Variants in NBAS observed in about 807,000 individuals in gnomAD.
NBAS encodes NAG/BC035112 fusion.
In NBAS, 219 loss-of-function variants were observed where a neutral mutation model predicts 302.5. The observed-to-expected ratio is 0.72, with a 90% CI of 0.65 to 0.81. NBAS has a LOEUF of 0.81. Ranked by LOEUF, NBAS falls within the 30% of genes least tolerant of loss-of-function variation. The pLI, the probability that NBAS is intolerant of heterozygous loss-of-function variation, is 0.00. For missense variants in NBAS, 2,932 were observed against 2,841.6 expected, an observed-to-expected ratio of 1.03 and a Z score of -0.72; for synonymous variants, 1,118 against 1,021.6, an observed-to-expected ratio of 1.09 and a Z score of -1.80.
chr2:15,115,523 A>G, the NBAS span, among the ~76,000 whole-genome samples: 4 of 152,114 alleles, frequency 2.6e-5, no homozygotes, highest in Non-Finnish European at 5.9e-5. Flanking sequence ...TTTTTTAGAG[A>G]CTGAGTCTCA....
the NBAS span, among the ~76,000 whole-genome samples, chr2:14,952,592 G>A: frequency 6.6e-6 from 1 of 152,158 alleles, no homozygotes; most frequent in Non-Finnish European, 1.5e-5. Flanking sequence ...ACGTTCATTC[G>A]GCCAGCCTGT....
At chr2:15,156,327 G>T in the NBAS span, among the ~76,000 whole-genome samples, 1 of 152,186 alleles carries the variant, frequency 6.6e-6, no homozygotes, top group African/African-American at 2.4e-5. Context: ...TAGGTTGTCA[G>T]GCACAGGAGT....
intron 44 of NBAS, among the ~76,000 whole-genome samples, chr2:15,274,026 G>A (rs1669454021): frequency 6.6e-6 from 1 of 151,896 alleles, no homozygotes; most frequent in Non-Finnish European, 1.5e-5. Flanking sequence ...CTTGCAGTGA[G>A]CCAAGATCAT....
intron 3 of NBAS, among the ~76,000 whole-genome samples, chr2:15,556,397 C>T (rs1037667815): frequency 6.6e-6 from 1 of 151,988 alleles, no homozygotes; most frequent in African/African-American, 2.4e-5. Flanking sequence ...AGAACTGAAA[C>T]CTAAAGAACC....
At chr2:14,931,718 A>T in the NBAS span, among the ~76,000 whole-genome samples, 12 of 152,210 alleles carry the variant, frequency 7.9e-5, no homozygotes, top group Non-Finnish European at 1.8e-4. Flanking sequence ...GTTTGGCCAC[A>T]CATTCTGTTG....
At chr2:15,224,604 C>T (rs531450229) in intron 47 of NBAS, among the ~76,000 whole-genome samples, 21 of 152,088 alleles carry the variant, frequency 1.4e-4, no homozygotes, top group Non-Finnish European at 2.2e-4. Context: ...GATGTTCCAC[C>T]GCATGTTTAA....
At chr2:15,530,732 A>G (rs1280914209) in intron 9 of NBAS, among the ~76,000 whole-genome samples, 1 of 86,460 alleles carries the variant, frequency 1.2e-5, no homozygotes, top group African/African-American at 4.2e-5. Flanking sequence ...CAGAGAATTA[A>G]AAGAAAAAAA....
At chr2:15,145,405 G>A in the NBAS span, among the ~76,000 whole-genome samples, 1 of 65,166 alleles carries the variant, frequency 1.5e-5, no homozygotes, top group African/African-American at 9.9e-5. Context: ...GTTTGTATGT[G>A]TGTGTGTGTG....
chr2:14,881,331 A>T, the NBAS span, among the ~76,000 whole-genome samples: 2 of 152,300 alleles, frequency 1.3e-5, no homozygotes, highest in South Asian at 4.1e-4. Flanking sequence ...CATAAAATCA[A>T]TGGAAACAAC....
At chr2:15,215,839 G>A (rs533300765) in intron 48 of NBAS, among the ~76,000 whole-genome samples, 3 of 152,256 alleles carry the variant, frequency 2.0e-5, no homozygotes, top group South Asian at 2.1e-4. Flanking sequence ...AGGGAGGATG[G>A]TCACACACAC....
At chr2:14,886,323 A>T in the NBAS span, among the ~76,000 whole-genome samples, 1 of 152,172 alleles carries the variant, frequency 6.6e-6, no homozygotes, top group Non-Finnish European at 1.5e-5. Flanking sequence ...GCTGTCCTAC[A>T]TGCTTTTCTT....
At chr2:14,854,521 AG>A in the NBAS span, among the ~76,000 whole-genome samples, 1 of 151,682 alleles carries the variant, frequency 6.6e-6, no homozygotes, top group Non-Finnish European at 1.5e-5. Flanking sequence ...TTGCTGAAAA[AG>A]GTGCTGAAGA....
the NBAS span, among the ~76,000 whole-genome samples, chr2:15,027,690 G>C: frequency 3.0e-4 from 45 of 152,176 alleles, no homozygotes; most frequent in African/African-American, 8.7e-4. Context: ...GGAATAGTAG[G>C]CTTCCTCTGC....
At chr2:15,243,444 TG>T (rs1477283416) in intron 44 of NBAS, among the ~76,000 whole-genome samples, 3 of 152,206 alleles carry the variant, frequency 2.0e-5, no homozygotes, top group African/African-American at 7.2e-5. Context: ...CAGGCCCCTT[TG>T]CAGTCTTTTA....
At chr2:15,356,477 T>C in intron 32 of NBAS, 61 bp from the exon 33 acceptor site, 1 of 1,072,524 alleles carries the variant, frequency 9.3e-7, no homozygotes, top group East Asian at 2.4e-5. Flanking sequence ...ATAGAAGAGC[T>C]TGTTAACACT....
intron 35 of NBAS, among the ~76,000 whole-genome samples, chr2:15,343,810 C>A (rs9808288): frequency 6.6e-6 from 1 of 151,744 alleles, no homozygotes; most frequent in Non-Finnish European, 1.5e-5. Flanking sequence ...GCACAGATTT[C>A]TTAGATATAA....
At chr2:15,120,337 C>T in the NBAS span, among the ~76,000 whole-genome samples, 3 of 152,146 alleles carry the variant, frequency 2.0e-5, no homozygotes, top group Non-Finnish European at 2.9e-5. Flanking sequence ...ATATCGTTAT[C>T]CCCATTCTGC....
chr2:15,146,575 T>C, the NBAS span, among the ~76,000 whole-genome samples: 1 of 152,098 alleles, frequency 6.6e-6, no homozygotes, highest in African/African-American at 2.4e-5. Flanking sequence ...AGGGGACAGA[T>C]GAGCAAGGCT....
chr2:14,863,293 G>T, the NBAS span, among the ~76,000 whole-genome samples: 1 of 152,204 alleles, frequency 6.6e-6, no homozygotes, highest in Non-Finnish European at 1.5e-5. Context: ...ATTCACTTGG[G>T]TGCAAGTGGG....
Sources: allele counts gnomAD v4.1 joint callset (sites outside exome capture counted in the v4.1 genomes callset), GRCh38; gene constraint gnomAD v4.1.1; transcripts MANE v1.5; gene names NCBI Gene and HGNC (gene_info 2026-07-23, HGNC 2026-07-21).